Variants in CDH8 observed in about 807,000 individuals in gnomAD.
CDH8 encodes cadherin-8.
A neutral mutation model predicts 68.1 loss-of-function variants in CDH8; 17 were observed. The observed-to-expected ratio is 0.25, with a 90% CI of 0.17 to 0.37. CDH8 has a LOEUF of 0.37. Among genes scored for constraint, CDH8 ranks in the 10% least tolerant of loss-of-function variants. CDH8 has a pLI of 1.00. For missense variants in CDH8, 763 were observed against 999.3 expected (o/e 0.76, Z 3.19); for synonymous variants, 372 against 365.1 (o/e 1.02, Z -0.21).
Position 62,005,917 on chromosome 16 carries a change from C to T in CDH8, c.252+15235G>A, listed in dbSNP as rs192642712. 4.3e-4 allele frequency among the ~76,000 whole-genome samples: 65 copies of T among 152,154 alleles called. 1 individual carries two copies. In the East Asian group the frequency reaches 0.01, roughly 24 times the overall value. ...GATATCTCACTCAGGGCTTTCCTAC[C>T]TTGCTGCACTGGCATGCTGCAAGAT... is the stretch of plus-strand genomic sequence containing the variant. On this transcript the variant is annotated intron_variant, in intron 2 of 11. Coordinates refer to ENST00000577390, the MANE Select transcript of CDH8 (RefSeq NM_001796.5).
intron 2 of CDH8, among the ~76,000 whole-genome samples, chr16:61,977,802 T>C (rs1214967792): frequency 6.6e-6 from 1 of 152,140 alleles, no homozygotes; most frequent in Non-Finnish European, 1.5e-5. Context: ...CATGGAGAAA[T>C]TGTATTTATT....
chr16:61,725,447 A>C (rs1431594270), intron 9 of CDH8: 1 of 150,870 alleles, frequency 6.6e-6, no homozygotes, highest in East Asian at 1.9e-4. Context: ...TTGCATGAGC[A>C]ATGGAGTTTT....
At chr16:61,891,083 C>G (rs551127524) in intron 3 of CDH8, among the ~76,000 whole-genome samples, 118 of 151,734 alleles carry the variant, frequency 7.8e-4, no homozygotes, top group African/African-American at 2.8e-3. Context: ...ATATTTTATA[C>G]ATATAATATA....
chr16:61,993,766 C>T (rs12598335), intron 2 of CDH8, among the ~76,000 whole-genome samples: 69,200 of 151,802 alleles, frequency 0.46, 18,791 homozygotes, highest in East Asian at 0.67. Flanking sequence ...TTTATGCACA[C>T]GTAAGTATAC....
chr16:61,999,573 T>C (rs1965858830), intron 2 of CDH8, among the ~76,000 whole-genome samples: 1 of 152,168 alleles, frequency 6.6e-6, no homozygotes, highest in East Asian at 1.9e-4. Flanking sequence ...TTTCTTACAA[T>C]GCAGTTATAA....
At chr16:61,873,755 A>C (rs1189329804) in intron 3 of CDH8, among the ~76,000 whole-genome samples, 1 of 152,170 alleles carries the variant, frequency 6.6e-6, no homozygotes, top group Admixed American at 6.5e-5. Context: ...GAAGCTAAAC[A>C]ACCAGGTGCG....
chr16:61,958,228 AC>A (rs1225680912), intron 2 of CDH8, among the ~76,000 whole-genome samples: 1 of 152,122 alleles, frequency 6.6e-6, no homozygotes, highest in Non-Finnish European at 1.5e-5. Flanking sequence ...GCCTAGGTGG[AC>A]CATCTGGGGT....
chr16:61,728,383 A>G (rs1034369477), intron 8 of CDH8, among the ~76,000 whole-genome samples: 1 of 150,938 alleles, frequency 6.6e-6, no homozygotes, highest in African/African-American at 2.4e-5. Flanking sequence ...GAGTGCCATG[A>G]CTACTCTCCA....
intron 2 of CDH8, among the ~76,000 whole-genome samples, chr16:62,005,328 C>T (rs868270963): frequency 2.6e-5 from 4 of 152,084 alleles, no homozygotes; most frequent in South Asian, 2.1e-4. Context: ...TCCTGGCCTG[C>T]GTTATGTAGC....
intron 8 of CDH8, among the ~76,000 whole-genome samples, chr16:61,738,347 G>A (rs1327946592): frequency 6.6e-6 from 1 of 152,070 alleles, no homozygotes; most frequent in Non-Finnish European, 1.5e-5. Context: ...TGGAAATAGT[G>A]GAGTTCTGTA....
At chr16:61,883,248 T>G (rs2143143229) in intron 3 of CDH8, among the ~76,000 whole-genome samples, 1 of 152,316 alleles carries the variant, frequency 6.6e-6, no homozygotes, top group Admixed American at 6.5e-5. Context: ...ACTCTAGGTA[T>G]GCAAGCAATC....
At chr16:61,720,546 T>C (rs572209541) in intron 9 of CDH8, among the ~76,000 whole-genome samples, 1 of 151,040 alleles carries the variant, frequency 6.6e-6, no homozygotes, top group East Asian at 2.0e-4. Flanking sequence ...AAACGTGAAA[T>C]TTGTAACCAT....
chr16:61,655,391 T>C (rs1963419210), intron 11 of CDH8, 79 bp downstream of exon 11: 4 of 1,442,150 alleles, frequency 2.8e-6, no homozygotes, highest in Non-Finnish European at 3.9e-6. Context: ...CCTGTGTAGA[T>C]CAGAGTTTTC....
intron 4 of CDH8, among the ~76,000 whole-genome samples, chr16:61,835,473 T>C (rs1962550362): frequency 6.6e-6 from 1 of 151,942 alleles, no homozygotes; most frequent in Non-Finnish European, 1.5e-5. Flanking sequence ...TCGTGTAGAC[T>C]GTTACTTCTG....
chr16:61,772,233 T>A (rs1043463695), intron 8 of CDH8, among the ~76,000 whole-genome samples: 1 of 152,010 alleles, frequency 6.6e-6, no homozygotes, highest in African/African-American at 2.4e-5. Flanking sequence ...AATATCTCAT[T>A]GTGTTCAAAA....
At chr16:61,915,127 G>A (rs1964218576) in intron 2 of CDH8, among the ~76,000 whole-genome samples, 1 of 152,014 alleles carries the variant, frequency 6.6e-6, no homozygotes, top group Admixed American at 6.6e-5. Flanking sequence ...ATAAGAGAAG[G>A]GGTACTAAAT....
chr16:61,810,880 C>T lies in CDH8; in HGVS notation c.1277+6599G>A, dbSNP rs139377345. 2.2e-4 allele frequency among the ~76,000 whole-genome samples: 33 copies of T among 151,862 alleles called. No homozygotes were observed. The East Asian group carries it at 5.6e-3, about 26-fold the overall frequency. On this transcript the variant is annotated intron_variant, in intron 7 of 11. Coordinates refer to ENST00000577390, the MANE Select transcript of CDH8 (RefSeq NM_001796.5). ...TCTGTTAAAAATACAAAAAATTAGCCGGGTATGGTGGTGCATGCCTGTGTT... is the reference window on the plus strand; with the variant it reads ...TCTGTTAAAAATACAAAAAATTAGCTGGGTATGGTGGTGCATGCCTGTGTT...
At chr16:61,862,597 A>G (rs1348616345) in intron 3 of CDH8, among the ~76,000 whole-genome samples, 1 of 152,144 alleles carries the variant, frequency 6.6e-6, no homozygotes, top group Non-Finnish European at 1.5e-5. Context: ...GTGACTCAAG[A>G]CTGTTGATGC....
At chr16:62,020,142 C>T (rs535984411) in intron 2 of CDH8, among the ~76,000 whole-genome samples, 1 of 152,292 alleles carries the variant, frequency 6.6e-6, no homozygotes, top group East Asian at 1.9e-4. Flanking sequence ...CAGAAGTTCC[C>T]AGTGAAACAC....
Sources: allele counts gnomAD v4.1 joint callset (sites outside exome capture counted in the v4.1 genomes callset), GRCh38; gene constraint gnomAD v4.1.1; transcripts MANE v1.5; gene names NCBI Gene and HGNC (gene_info 2026-07-23, HGNC 2026-07-21).